The following SLFN12L variants were observed in gnomAD, a reference collection of about 807,000 sequenced individuals.
SLFN12L encodes the protein schlafen family member 12-like.
Under a neutral mutation model 34.8 loss-of-function variants are expected in SLFN12L, and 34 were observed. The observed-to-expected ratio is 0.98, with a 90% CI of 0.74 to 1.30. SLFN12L has a LOEUF of 1.30. Among genes scored for constraint, SLFN12L ranks in the 50% most tolerant of loss-of-function variants. The pLI is 0.00. For missense variants in SLFN12L, 703 were observed against 696.2 expected (o/e 1.01, Z -0.11); for synonymous variants, 259 against 247.5 (o/e 1.05, Z -0.44).
At chr17:35,515,012 G>T in intron 2 of SLFN12L, 1 of 513,490 alleles carries the variant, frequency 1.9e-6, no homozygotes, top group South Asian at 1.5e-5. Flanking sequence ...CATCTTTAAG[G>T]TCAGCTAACT....
chr17:35,494,347 G>A (rs1458705248), intron 2 of SLFN12L, among the ~76,000 whole-genome samples: 2 of 151,998 alleles, frequency 1.3e-5, no homozygotes, highest in African/African-American at 2.4e-5. Flanking sequence ...AATAACTTTT[G>A]TATGGTAAAG....
rs1489153775 is a variant in SLFN12L at position 35,471,051 on chromosome 17, C to T, written c.*3872G>A. ...GTATATGTACCACATTTTCTTTATC[C>T]AGTCTATCACTGATGGGCATTTGGG... On this transcript the variant is annotated 3_prime_UTR_variant, in exon 5 of 5. Coordinates refer to ENST00000628453, the MANE Select transcript of SLFN12L (RefSeq NM_001363830.2). Among the ~76,000 whole-genome samples, 2 of 152,100 alleles carry T rather than the reference C, an allele frequency of 1.3e-5. No individual in the cohort carries two copies. Among genetic ancestry groups the T allele is most frequent in the Non-Finnish European group, 2.9e-5 (2 of 68,010 alleles).
chr17:35,482,004 C>A (rs145898040), intron 2 of SLFN12L, among the ~76,000 whole-genome samples: 3 of 152,236 alleles, frequency 2.0e-5, no homozygotes, highest in African/African-American at 2.4e-5. Context: ...GGCATTAAGG[C>A]ACCTGCCACC....
At chr17:35,498,574 A>G in intron 2 of SLFN12L, 2 of 1,552,332 alleles carry the variant, frequency 1.3e-6, no homozygotes, top group Non-Finnish European at 1.8e-6. Context: ...GAAAGTTTTT[A>G]CAGCCGCTTC....
intron 2 of SLFN12L, chr17:35,490,040 T>C (rs1914768532): frequency 6.2e-7 from 1 of 1,602,996 alleles, no homozygotes; most frequent in Admixed American, 1.7e-5. Context: ...TTCCACCACC[T>C]CCTGTTCCCT....
Position 35,474,688 on chromosome 17 carries a change from G to GA in SLFN12L, c.*234_*235insT. The stretch of plus-strand genomic sequence containing the variant: ...TGTACTCCTAGCACTTTGGGAGACC[G>GA]GGGGGGGGGGTTGAATCACGAGGTC... On this transcript the variant is annotated 3_prime_UTR_variant, in exon 5 of 5. Transcript: ENST00000628453. The GA allele has an allele frequency of 7.9e-6, 1 of 126,470 alleles. No homozygotes were observed. The highest frequency in any genetic ancestry group is 1.6e-5 in the Non-Finnish European group (1 of 64,270). 7.8% of individuals were successfully genotyped at this position (126,470 alleles called of 1,614,324 possible). A position where few individuals can be genotyped will look rare whatever the true frequency, so the allele number is the denominator to read the frequency against.
chr17:35,526,077 A>G (rs2072331998), intron 1 of SLFN12L, among the ~76,000 whole-genome samples: 1 of 152,202 alleles, frequency 6.6e-6, no homozygotes, highest in African/African-American at 2.4e-5. Context: ...GATAAAACAG[A>G]CTTTAAACCA....
At chr17:35,510,256 A>G (rs1915595867) in intron 2 of SLFN12L, 1 of 152,258 alleles carries the variant, frequency 6.6e-6, no homozygotes, top group African/African-American at 2.4e-5. Flanking sequence ...TTCTAGACAT[A>G]AATCCAAGAG....
chr17:35,494,900 T>C, intron 2 of SLFN12L, among the ~76,000 whole-genome samples: 1 of 112,754 alleles, frequency 8.9e-6, no homozygotes, highest in Admixed American at 8.8e-5. Flanking sequence ...TTTATTTATT[T>C]ATTTATTTAT....
intron 2 of SLFN12L, among the ~76,000 whole-genome samples, chr17:35,515,632 A>ATTTTTTTTTTTTTTTTTTTT (rs1915797169): frequency 1.2e-5 from 1 of 80,182 alleles, no homozygotes; most frequent in Non-Finnish European, 2.3e-5. Context: ...CACGCCCGGC[A>ATTTTTTTTTTTTTTTTTTTT]ATTTTTTTTT....
At chr17:35,528,962 T>C (rs1210634813) in intron 1 of SLFN12L, among the ~76,000 whole-genome samples, 2 of 152,002 alleles carry the variant, frequency 1.3e-5, no homozygotes, top group Non-Finnish European at 2.9e-5. Context: ...AGGGCTAATA[T>C]CCAGAATCTA....
chr17:35,528,058 T>C (rs916299146), intron 1 of SLFN12L, among the ~76,000 whole-genome samples: 1 of 151,878 alleles, frequency 6.6e-6, no homozygotes, highest in Non-Finnish European at 1.5e-5. Context: ...TATGCACCGA[T>C]AACAGACAGA....
At chr17:35,523,459 T>C (rs1284913482) in intron 1 of SLFN12L, among the ~76,000 whole-genome samples, 1 of 152,312 alleles carries the variant, frequency 6.6e-6, no homozygotes, top group East Asian at 1.9e-4. Flanking sequence ...AAGCTTTTAT[T>C]GGCAGTTAAT....
At chr17:35,512,791 C>T (rs1455271215) in intron 2 of SLFN12L, among the ~76,000 whole-genome samples, 5 of 152,334 alleles carry the variant, frequency 3.3e-5, no homozygotes, top group Non-Finnish European at 4.4e-5. Context: ...GATATCACTG[C>T]CTTTTCAGGC....
At chr17:35,510,287 AC>A (rs1273253339) in intron 2 of SLFN12L, 1 of 152,272 alleles carries the variant, frequency 6.6e-6, no homozygotes, top group Non-Finnish European at 1.5e-5. Flanking sequence ...ATATGTGCAC[AC>A]AGGCACTTGT....
intron 2 of SLFN12L, among the ~76,000 whole-genome samples, chr17:35,517,687 G>A (rs1205831765): frequency 6.6e-6 from 1 of 152,140 alleles, no homozygotes; most frequent in Non-Finnish European, 1.5e-5. Context: ...CATAGCACTG[G>A]TACCAAAACA....
chr17:35,506,531 C>G (rs1419294042), intron 2 of SLFN12L, among the ~76,000 whole-genome samples: 1 of 152,154 alleles, frequency 6.6e-6, no homozygotes, highest in African/African-American at 2.4e-5. Flanking sequence ...ATTGATGGGG[C>G]TGGACTGGAT....
In SLFN12L at chr17:35,468,679, C is replaced by T. The variant is rs60601900; in HGVS notation, c.*6244G>A. ...AAAACATACACCCCGCACTCCTATG[C>T]CTGAAGGAAAATTTAATAGTAGTTA... On this transcript the variant is annotated 3_prime_UTR_variant, in exon 5 of 5. Coordinates refer to ENST00000628453, the MANE Select transcript of SLFN12L (RefSeq NM_001363830.2). 0.3 allele frequency among the ~76,000 whole-genome samples: 45,248 copies of T among 151,988 alleles called. 6,903 individuals are homozygous for T. Among genetic ancestry groups the T allele is most frequent in the Middle Eastern group, 0.39 (113 of 292 alleles).
chr17:35,530,598 T>C (rs1433090942), intron 1 of SLFN12L, among the ~76,000 whole-genome samples: 1 of 151,834 alleles, frequency 6.6e-6, no homozygotes, highest in Non-Finnish European at 1.5e-5. Context: ...TATACATTCT[T>C]ATGTAGATAG....
Sources: allele counts gnomAD v4.1 joint callset (sites outside exome capture counted in the v4.1 genomes callset), GRCh38; gene constraint gnomAD v4.1.1; transcripts MANE v1.5; gene names NCBI Gene and HGNC (gene_info 2026-07-23, HGNC 2026-07-21).